TP53RK: variants seen among roughly 807,000 people sequenced by gnomAD.
TP53RK encodes the protein TP53 regulating kinase.
A neutral mutation model predicts 14.9 loss-of-function variants in TP53RK; 17 were observed. The observed-to-expected ratio is 1.14, with a 90% CI of 0.78 to 1.71. The LOEUF (loss-of-function observed/expected upper bound fraction) is 1.71, where lower values mean the gene tolerates loss of function less well. TP53RK is among the 40% of genes most tolerant of loss of function. TP53RK has a pLI of 0.00. For missense variants in TP53RK, 343 were observed against 332.0 expected (o/e 1.03, Z -0.26); for synonymous variants, 131 against 138.0 (o/e 0.95, Z 0.36).
At position 46,686,743 on chromosome 20, in the gene TP53RK, A is replaced by G; in HGVS notation, c.*10T>C. On this transcript the variant is annotated 3_prime_UTR_variant, in exon 2 of 2. Coordinates refer to ENST00000372114, the MANE Select transcript of TP53RK (RefSeq NM_033550.4). Reference sequence around the variant, plus strand: ...GAGCTTCACTGTGTGTGGTTGTCATACACATTCTTCTACCCAACCATGGAC... The same window carrying G: ...GAGCTTCACTGTGTGTGGTTGTCATGCACATTCTTCTACCCAACCATGGAC... 1 of 1,600,292 alleles carries G rather than the reference A, an allele frequency of 6.2e-7. No individual in the cohort carries two copies. The highest frequency in any genetic ancestry group is 8.6e-7 in the Non-Finnish European group (1 of 1,168,340).
Position 46,688,792 on chromosome 20 carries a change from T to C in TP53RK, c.283+340A>G, listed in dbSNP as rs549035924. ...TTACATGTTTCTTAAAACTAATAAA[T>C]GGAAAGATAATGATCGAAAATTGAA... On this transcript the variant is annotated intron_variant, in intron 1 of 1. Coordinates refer to ENST00000372114, the MANE Select transcript of TP53RK (RefSeq NM_033550.4). Among the ~76,000 whole-genome samples the C allele has an allele frequency of 1.7e-4, 26 of 152,156 alleles. No homozygotes were observed. In the East Asian group the frequency reaches 3.7e-3, roughly 22 times the overall value.
At chr20:46,687,343 G>A (rs985955634) in intron 1 of TP53RK, 112 bp from the exon 2 acceptor site, 3 of 924,574 alleles carry the variant, frequency 3.2e-6, no homozygotes, top group Admixed American at 2.3e-5. Context: ...CAGGACTATT[G>A]AGGAATGCTA....
In TP53RK at chr20:46,685,492, T is replaced by C. The variant is rs894981760; in HGVS notation, c.*1261A>G. Reference sequence around the variant, plus strand: ...ACAACAGTGTGCAGAGGGAAATTCATAGCTGCAAATGTCCATATTAAGAAA... The same window carrying C: ...ACAACAGTGTGCAGAGGGAAATTCACAGCTGCAAATGTCCATATTAAGAAA... On this transcript the variant is annotated 3_prime_UTR_variant, in exon 2 of 2. Transcript: ENST00000372114. 1.3e-5 allele frequency: 2 copies of C among 152,246 alleles called. No individual in the cohort carries two copies. The highest frequency in any genetic ancestry group is 1.5e-5 in the Non-Finnish European group (1 of 68,040). The allele number at this position is 152,246 out of a possible 1,614,324, so 9.4% of individuals were successfully genotyped here.
chr20:46,686,260 T>G lies in TP53RK; in HGVS notation c.*493A>C, dbSNP rs1487670013. ...TGGTCTATATATACACGTGAAAGTT[T>G]CATAAAACAATACACTGATATTTTC... On this transcript the variant is annotated 3_prime_UTR_variant, in exon 2 of 2. Coordinates refer to ENST00000372114, the MANE Select transcript of TP53RK (RefSeq NM_033550.4). 1 of 156,252 alleles carries G rather than the reference T, an allele frequency of 6.4e-6. No homozygotes were observed. The highest frequency in any genetic ancestry group is 1.8e-4 in the East Asian group (1 of 5,442). 9.7% of individuals were successfully genotyped at this position (156,252 alleles called of 1,614,324 possible).
At position 46,689,141 on chromosome 20, in the gene TP53RK, G is replaced by T; in HGVS notation, c.274C>A (p.Arg92Ser). The change falls in exon 1 of 2, where the codon CGC (arginine) becomes AGC (serine). Residue 92 changes from arginine to serine, a missense_variant. Arg to Ser is a moderately radical substitution (Grantham distance 110). Transcript: ENST00000372114. ...TCCCGGCCCACCTTACCAGCGCGGC[G>T]ACAGCGGAGGAGCGCCCGGGCCTCC... ...VQEARALLRC[R>S]RAGISAPVVF... The T allele has an allele frequency of 1.4e-6, 2 of 1,394,378 alleles. No individual in the cohort carries two copies. The highest frequency in any genetic ancestry group is 1.9e-6 in the Non-Finnish European group (2 of 1,080,030). 86.4% of individuals were successfully genotyped at this position (1,394,378 alleles called of 1,614,324 possible).
In TP53RK at chr20:46,687,891, G is replaced by C. The variant is rs191033041; in HGVS notation, c.284-660C>G. 5.3e-5 allele frequency among the ~76,000 whole-genome samples: 8 copies of C among 152,310 alleles called. No individual in the cohort carries two copies. In the East Asian group the frequency reaches 1.4e-3, roughly 26 times the overall value. The stretch of plus-strand genomic sequence containing the variant: ...GGAGGCCAAGCAGTGTGCTAGCTTC[G>C]AGGTTCATCTTCGTAGTCAGAGAGG... On this transcript the variant is annotated intron_variant, in intron 1 of 1. Transcript: ENST00000372114.
At chr20:46,687,369 C>A in intron 1 of TP53RK, 138 bp from the exon 2 acceptor site, 1 of 790,568 alleles carries the variant, frequency 1.3e-6, no homozygotes, top group African/African-American at 1.7e-5. Context: ...AATGGTACAA[C>A]TGAACTCATC....
In TP53RK at chr20:46,687,115, T is replaced by C; in HGVS notation, c.400A>G (p.Lys134Glu). The C allele has an allele frequency of 6.2e-7, 1 of 1,614,194 alleles. No homozygotes were observed. Among genetic ancestry groups the C allele is most frequent in the African/African-American group, 1.3e-5 (1 of 75,048 alleles). The change falls in exon 2 of 2, where the codon AAA becomes GAA. Residue 134 changes from lysine to glutamate, a missense_variant. Coordinates refer to ENST00000372114, the MANE Select transcript of TP53RK (RefSeq NM_033550.4). ...DYIQSTMETE[K>E]TPQGLSNLAK... ...AAGTTGGAGAGACCCTGGGGAGTTT[T>C]TTCAGTCTCCATAGTGGACTGAATA... is the stretch of plus-strand genomic sequence containing the variant.
chr20:46,685,113 C>T lies in TP53RK; in HGVS notation c.*1640G>A, dbSNP rs907311812. On this transcript the variant is annotated 3_prime_UTR_variant, in exon 2 of 2. Coordinates refer to ENST00000372114, the MANE Select transcript of TP53RK (RefSeq NM_033550.4). ...TAAGCAGGCAATTATATTATTTTTC[C>T]TCTCTACTAGTCACAACTACCCAGG... is the stretch of plus-strand genomic sequence containing the variant. 11 of 152,238 alleles carry T rather than the reference C, an allele frequency of 7.2e-5. No individual in the cohort carries two copies. Among genetic ancestry groups the T allele is most frequent in the African/African-American group, 2.7e-4 (11 of 41,452 alleles). 9.4% of individuals were successfully genotyped at this position (152,238 alleles called of 1,614,324 possible).
In TP53RK at chr20:46,687,112, T is replaced by A; in HGVS notation, c.403A>T (p.Thr135Ser). The change falls in exon 2 of 2, where the codon ACT becomes TCT. Residue 135 changes from threonine (T) to serine (S), a missense_variant. Thr to Ser is a moderately conservative substitution (Grantham distance 58). Coordinates refer to ENST00000372114, the MANE Select transcript of TP53RK (RefSeq NM_033550.4). ...YIQSTMETEKTPQGLSNLAKT... is the reference protein window; with the variant it reads ...YIQSTMETEKSPQGLSNLAKT... Reference sequence around the variant, plus strand: ...GCTAAGTTGGAGAGACCCTGGGGAGTTTTTTCAGTCTCCATAGTGGACTGA... The same window carrying A: ...GCTAAGTTGGAGAGACCCTGGGGAGATTTTTCAGTCTCCATAGTGGACTGA... The A allele has an allele frequency of 1.2e-6, 2 of 1,613,780 alleles. No individual in the cohort carries two copies. Among genetic ancestry groups the A allele is most frequent in the South Asian group, 1.1e-5 (1 of 91,054 alleles).
In TP53RK at chr20:46,689,285, C is replaced by G. The variant is rs2063196667; in HGVS notation, c.130G>C (p.Glu44Gln). The G allele has an allele frequency of 2.6e-6, 4 of 1,542,576 alleles. No individual in the cohort carries two copies. The highest frequency in any genetic ancestry group is 2.6e-6 in the Non-Finnish European group (3 of 1,150,868). Reference protein sequence around the residue: ...SGLELVKQGAEARVFRGRFQG... With the variant: ...SGLELVKQGAQARVFRGRFQG... ...AAGCGGCCACGGAACACGCGCGCCT[C>G]GGCACCCTGCTTCACCAGCTCCAGG... Residue 44 changes from glutamate to glutamine, a missense_variant, in exon 1 of 2, where the codon GAG becomes CAG. Glu to Gln is a conservative substitution (Grantham distance 29, BLOSUM62 2). Transcript: ENST00000372114.
chr20:46,687,172 C>A lies in TP53RK; in HGVS notation c.343G>T (p.Glu115Ter). ...CGAACAGTCACTGAGCCTTCAATTT[C>A]TTCCATATATAAGCAGTTGGAAGCA... is the stretch of plus-strand genomic sequence containing the variant. ...DYASNCLYME[E>*]IEGSVTVRDY... Residue 115 changes from glutamate (E) to a stop codon, truncating the protein, a stop_gained, in exon 2 of 2, where the codon GAA becomes TAA. Transcript: ENST00000372114. LOFTEE classifies it high-confidence loss of function. 6.2e-7 allele frequency: 1 copy of A among 1,613,628 alleles called. No homozygotes were observed. Among genetic ancestry groups the A allele is most frequent in the African/African-American group, 1.3e-5 (1 of 74,990 alleles).
rs868083926 is a variant in TP53RK, at chr20:46,688,719, A to G, written c.283+413T>C. ...GAAAGGCTACACAAGCAGCAGAGTT[A>G]GTATTTCAACCCAGGGAGCCTGGCT... On this transcript the variant is annotated intron_variant, in intron 1 of 1. Transcript: ENST00000372114. 4.6e-5 allele frequency among the ~76,000 whole-genome samples: 7 copies of G among 152,380 alleles called. No homozygotes were observed. The East Asian group carries it at 1.3e-3, about 29-fold the overall frequency.
intron 1 of TP53RK, among the ~76,000 whole-genome samples, chr20:46,688,624 A>G (rs1234832894): frequency 6.6e-6 from 1 of 152,278 alleles, no homozygotes; most frequent in Non-Finnish European, 1.5e-5. Context: ...TCCCTATGAC[A>G]TGGATACTGC....
chr20:46,689,426 G>A lies in TP53RK; in HGVS notation c.-12C>T, dbSNP rs1390641171. 1 of 1,536,124 alleles carries A rather than the reference G, an allele frequency of 6.5e-7. No individual in the cohort carries two copies. The highest frequency in any genetic ancestry group is 1.2e-5 in the South Asian group (1 of 81,588). ...CTGGCCGCCGCCATGACTGCTCGGC[G>A]CAACAGCTCCAACCGATCAGCTGTC... On this transcript the variant is annotated 5_prime_UTR_variant, in exon 1 of 2. Transcript: ENST00000372114.
At chr20:46,688,239 C>T (rs1353692879) in intron 1 of TP53RK, among the ~76,000 whole-genome samples, 3 of 152,132 alleles carry the variant, frequency 2.0e-5, no homozygotes, top group Non-Finnish European at 4.4e-5. Flanking sequence ...GCAATGTGTC[C>T]GCTTGTTGGC....
In TP53RK at chr20:46,689,112, G is replaced by T; in HGVS notation, c.283+20C>A. 1 of 1,363,952 alleles carries T rather than the reference G, an allele frequency of 7.3e-7. No individual in the cohort carries two copies. Among genetic ancestry groups the T allele is most frequent in the Non-Finnish European group, 9.4e-7 (1 of 1,064,804 alleles). The allele number at this position is 1,363,952 out of a possible 1,614,324, so 84.5% of individuals were successfully genotyped here. On this transcript the variant is annotated intron_variant, in intron 1 of 1. Coordinates refer to ENST00000372114, the MANE Select transcript of TP53RK (RefSeq NM_033550.4). ...CCAGAGCCTCGGGGCCGCCCACGCCGGGATCCCGGCCCACCTTACCAGCGC... is the reference window on the plus strand; with the variant it reads ...CCAGAGCCTCGGGGCCGCCCACGCCTGGATCCCGGCCCACCTTACCAGCGC...
Position 46,687,216 on chromosome 20 carries a change from A to G in TP53RK, c.299T>C (p.Val100Ala), listed in dbSNP as rs369690944. The change falls in exon 2 of 2, where the codon GTT becomes GCT. Residue 100 changes from valine to alanine, a missense_variant. Coordinates refer to ENST00000372114, the MANE Select transcript of TP53RK (RefSeq NM_033550.4). ...GGAAGCATAGTCCACAAAAAAGACA[A>G]CTGGGGCAGATATTCCTGAAATCAA... ...RCRRAGISAP[V>A]VFFVDYASNC... 4.4e-5 allele frequency: 70 copies of G among 1,587,508 alleles called. No individual in the cohort carries two copies. The highest frequency in any genetic ancestry group is 5.8e-5 in the Non-Finnish European group (68 of 1,164,234).
rs1432218739 is a variant in TP53RK at position 46,689,173 on chromosome 20, G to A, written c.242C>T (p.Thr81Met). 13 of 1,512,488 alleles carry A rather than the reference G, an allele frequency of 8.6e-6. No homozygotes were observed. The highest frequency in any genetic ancestry group is 1.1e-5 in the Non-Finnish European group (12 of 1,137,366). 93.7% of individuals were successfully genotyped at this position (1,512,488 alleles called of 1,614,324 possible). A position where few individuals can be genotyped will look rare whatever the true frequency, so the allele number is the denominator to read the frequency against. The change falls in exon 1 of 2, where the codon ACG (threonine) becomes ATG (methionine). Residue 81 changes from threonine to methionine, a missense_variant. Coordinates refer to ENST00000372114, the MANE Select transcript of TP53RK (RefSeq NM_033550.4). ...GAGGAGCGCCCGGGCCTCCTGCACC[G>A]TCCGCCGTCTGCCAAGCCGCGCCTC... Reference protein sequence around the residue: ...ALEARLGRRRTVQEARALLRC... With the variant: ...ALEARLGRRRMVQEARALLRC...
Sources: allele counts gnomAD v4.1 joint callset (sites outside exome capture counted in the v4.1 genomes callset), GRCh38; gene constraint gnomAD v4.1.1; transcripts MANE v1.5; gene names NCBI Gene and HGNC (gene_info 2026-07-23, HGNC 2026-07-21).